ADAMTS6: variants seen among roughly 807,000 people sequenced by gnomAD.
ADAMTS6 encodes the protein A disintegrin and metalloproteinase with thrombospondin motifs 6.
Under a neutral mutation model 144.3 loss-of-function variants are expected in ADAMTS6, and 23 were observed. The ratio of observed to expected loss-of-function variants is 0.16; its 90% CI spans 0.11 to 0.23. The LOEUF is 0.23. Among genes scored for constraint, ADAMTS6 ranks in the 10% least tolerant of loss-of-function variants. The pLI is 1.00. For synonymous variants in ADAMTS6, 444 were observed against 457.5 expected (o/e 0.97, Z 0.38); for missense variants, 999 against 1,379.6 (o/e 0.72, Z 4.37).
intron 23 of ADAMTS6, among the ~76,000 whole-genome samples, chr5:65,171,013 A>ATT (rs562321236): frequency 5.6e-5 from 8 of 144,142 alleles, no homozygotes; most frequent in African/African-American, 1.5e-4. Flanking sequence ...CACAATATTA[A>ATT]TTTTTTTTTT....
At chr5:65,271,465 G>A (rs1307366893) in intron 12 of ADAMTS6, among the ~76,000 whole-genome samples, 2 of 148,386 alleles carry the variant, frequency 1.3e-5, no homozygotes, top group African/African-American at 5.0e-5. Context: ...CTTTAAAATT[G>A]TCTGAGAGTA....
chr5:65,406,203 G>A (rs1483708208), intron 7 of ADAMTS6, among the ~76,000 whole-genome samples: 1 of 152,196 alleles, frequency 6.6e-6, no homozygotes, highest in Admixed American at 6.5e-5. Flanking sequence ...AGTGGTGAGA[G>A]AGGGCATCCT....
At chr5:65,281,633 C>G (rs1762997186) in intron 11 of ADAMTS6, among the ~76,000 whole-genome samples, 1 of 151,958 alleles carries the variant, frequency 6.6e-6, no homozygotes, top group Non-Finnish European at 1.5e-5. Flanking sequence ...TATCAATTCA[C>G]AGATTTTTGG....
intron 7 of ADAMTS6, among the ~76,000 whole-genome samples, chr5:65,336,311 T>TA (rs918757151): frequency 2.3e-4 from 35 of 152,272 alleles, no homozygotes; most frequent in African/African-American, 7.9e-4. Flanking sequence ...TCTCTGATGA[T>TA]AAACACAAGA....
At chr5:65,196,861 C>G (rs745671101) in intron 21 of ADAMTS6, among the ~76,000 whole-genome samples, 161 bp downstream of exon 21, 20 of 152,150 alleles carry the variant, frequency 1.3e-4, no homozygotes, top group Non-Finnish European at 2.1e-4. Flanking sequence ...GGAATCTTTG[C>G]TCACTAAAAG....
At chr5:65,457,469 G>A (rs1343157111) in intron 4 of ADAMTS6, among the ~76,000 whole-genome samples, 1 of 152,074 alleles carries the variant, frequency 6.6e-6, no homozygotes. Context: ...CCATAAGAAT[G>A]GATTGGAGAA....
At chr5:65,299,860 A>C (rs1743192032) in intron 10 of ADAMTS6, 125 bp downstream of exon 10, 1 of 1,050,080 alleles carries the variant, frequency 9.5e-7, no homozygotes, top group Admixed American at 3.0e-5. Flanking sequence ...TTTAGGAAAA[A>C]GTTGAAACAT....
chr5:65,275,245 A>G (rs1580263335), intron 11 of ADAMTS6, among the ~76,000 whole-genome samples: 3 of 144,814 alleles, frequency 2.1e-5, no homozygotes, highest in Admixed American at 7.0e-5. Flanking sequence ...AAAAAAAAGG[A>G]AAGAAAGAGA....
chr5:65,375,220 A>G (rs1751403215), intron 7 of ADAMTS6, among the ~76,000 whole-genome samples: 1 of 152,254 alleles, frequency 6.6e-6, no homozygotes, highest in African/African-American at 2.4e-5. Context: ...CATGTCTAAA[A>G]CACCAAAAGG....
chr5:65,445,813 G>T (rs558246093), intron 7 of ADAMTS6, among the ~76,000 whole-genome samples: 1 of 152,270 alleles, frequency 6.6e-6, no homozygotes, highest in East Asian at 1.9e-4. Flanking sequence ...TGGGCAATGG[G>T]GGTGGGTAGA....
intron 9 of ADAMTS6, among the ~76,000 whole-genome samples, chr5:65,327,603 T>C (rs975655015): frequency 5.3e-5 from 8 of 152,142 alleles, no homozygotes; most frequent in Non-Finnish European, 1.2e-4. Context: ...ATTCTATTTC[T>C]CTTTCACAAT....
At chr5:65,403,448 T>C (rs1754113980) in intron 7 of ADAMTS6, among the ~76,000 whole-genome samples, 1 of 152,148 alleles carries the variant, frequency 6.6e-6, no homozygotes, top group Non-Finnish European at 1.5e-5. Flanking sequence ...ATTAGCAAGA[T>C]CATGATCAAG....
At chr5:65,475,076 A>G (rs1760752095) in intron 1 of ADAMTS6, among the ~76,000 whole-genome samples, 1 of 152,106 alleles carries the variant, frequency 6.6e-6, no homozygotes, top group Non-Finnish European at 1.5e-5. Flanking sequence ...AATATATGAA[A>G]TTTTCACATA....
At chr5:65,371,371 A>T (rs375427419) in intron 7 of ADAMTS6, among the ~76,000 whole-genome samples, 3 of 151,756 alleles carry the variant, frequency 2.0e-5, no homozygotes, top group African/African-American at 7.3e-5. Flanking sequence ...TGAAAACTTT[A>T]AAAAAAATTT....
intron 5 of ADAMTS6, among the ~76,000 whole-genome samples, chr5:65,452,478 C>G (rs1041765462): frequency 7.9e-6 from 1 of 126,392 alleles, no homozygotes; most frequent in African/African-American, 2.9e-5. Context: ...AAAAAAAAAA[C>G]CCTTAAACAA....
chr5:65,368,971 G>T (rs769045731), intron 7 of ADAMTS6, among the ~76,000 whole-genome samples: 5 of 152,128 alleles, frequency 3.3e-5, no homozygotes, highest in Non-Finnish European at 7.4e-5. Flanking sequence ...CAGGAGAAGC[G>T]CTTGAACCCA....
chr5:65,158,488 T>A (rs975526852), intron 24 of ADAMTS6, among the ~76,000 whole-genome samples: 5 of 152,130 alleles, frequency 3.3e-5, no homozygotes, highest in Admixed American at 3.3e-4. Flanking sequence ...CTTGTACTAT[T>A]GAGAAGCTGA....
intron 12 of ADAMTS6, among the ~76,000 whole-genome samples, chr5:65,266,035 C>T (rs1303358119): frequency 6.6e-6 from 1 of 151,314 alleles, no homozygotes; most frequent in Non-Finnish European, 1.5e-5. Flanking sequence ...TATTTCAGAC[C>T]TCTTTGTATA....
intron 13 of ADAMTS6, among the ~76,000 whole-genome samples, chr5:65,260,905 T>C (rs1370358454): frequency 2.0e-5 from 3 of 152,108 alleles, no homozygotes; most frequent in Admixed American, 2.0e-4. Context: ...ATTAATTTAC[T>C]AGTAATTTAT....
Sources: allele counts gnomAD v4.1 joint callset (sites outside exome capture counted in the v4.1 genomes callset), GRCh38; gene constraint gnomAD v4.1.1; transcripts MANE v1.5; gene names NCBI Gene and HGNC (gene_info 2026-07-23, HGNC 2026-07-21).